CNOT6L: variants seen among roughly 807,000 people sequenced by gnomAD.
The protein encoded by CNOT6L is CCR4-NOT transcription complex subunit 6-like.
A neutral mutation model predicts 64.0 loss-of-function variants in CNOT6L; 7 were observed. That is an observed-to-expected ratio of 0.11 (90% CI 0.06 to 0.21). CNOT6L has a LOEUF of 0.21. Among genes scored for constraint, CNOT6L ranks in the 10% least tolerant of loss-of-function variants. The pLI is 1.00. For synonymous variants in CNOT6L, 193 were observed against 243.4 expected (o/e 0.79, Z 1.93); for missense variants, 245 against 669.0 (o/e 0.37, Z 6.99).
At chr4:77,816,997 T>G (rs891342749) in intron 1 of CNOT6L, among the ~76,000 whole-genome samples, 1 of 152,148 alleles carries the variant, frequency 6.6e-6, no homozygotes, top group Non-Finnish European at 1.5e-5. Context: ...TTCAGAGAAA[T>G]ATTCTAAGAA....
chr4:77,788,437 A>G (rs1431798017), intron 1 of CNOT6L, among the ~76,000 whole-genome samples: 1 of 152,228 alleles, frequency 6.6e-6, no homozygotes, highest in Non-Finnish European at 1.5e-5. Context: ...TTATAATAAT[A>G]GGCAATTCGG....
At chr4:77,747,082 A>AT (rs1724279380) in intron 6 of CNOT6L, among the ~76,000 whole-genome samples, 1 of 152,184 alleles carries the variant, frequency 6.6e-6, no homozygotes, top group African/African-American at 2.4e-5. Context: ...TAACTTAAAA[A>AT]AAGCCCAAAA....
chr4:77,799,087 G>A (rs1443794920), intron 1 of CNOT6L, among the ~76,000 whole-genome samples: 1 of 151,668 alleles, frequency 6.6e-6, no homozygotes, highest in Middle Eastern at 3.4e-3. Flanking sequence ...AGATTAAACT[G>A]AACTCAAATG....
At chr4:77,727,926 G>A (rs1722052762) in intron 10 of CNOT6L, among the ~76,000 whole-genome samples, 1 of 152,014 alleles carries the variant, frequency 6.6e-6, no homozygotes, top group Admixed American at 6.6e-5. Flanking sequence ...TCCAAGTGTA[G>A]GCATTTAGGT....
At chr4:77,737,698 G>A (rs1560579432) in intron 8 of CNOT6L, among the ~76,000 whole-genome samples, 1 of 152,022 alleles carries the variant, frequency 6.6e-6, no homozygotes, top group Non-Finnish European at 1.5e-5. Context: ...CATTATAGGG[G>A]TGAAACACCA....
chr4:77,726,375 A>G lies in CNOT6L; in HGVS notation c.1253-6T>C, dbSNP rs761608331. On this transcript the variant is annotated splice_region_variant and splice_polypyrimidine_tract_variant and intron_variant, in intron 10 of 11. Coordinates refer to ENST00000504123, the MANE Select transcript of CNOT6L (RefSeq NM_144571.3). Reference sequence around the variant, plus strand: ...GCTTAAGTATTCCACAACACCTGGTAGAATAAAGAAGAGACACTTCCATTT... The same window carrying G: ...GCTTAAGTATTCCACAACACCTGGTGGAATAAAGAAGAGACACTTCCATTT... 6.9e-6 allele frequency: 11 copies of G among 1,600,612 alleles called. No homozygotes were observed. Among genetic ancestry groups the G allele is most frequent in the Non-Finnish European group, 9.4e-6 (11 of 1,169,842 alleles).
At chr4:77,802,765 G>A (rs1731738845) in intron 1 of CNOT6L, among the ~76,000 whole-genome samples, 1 of 152,186 alleles carries the variant, frequency 6.6e-6, no homozygotes, top group African/African-American at 2.4e-5. Context: ...GTGAGATACA[G>A]AGAAGTTGTG....
At chr4:77,818,675 C>T (rs1321737102) in intron 1 of CNOT6L, among the ~76,000 whole-genome samples, 1 of 152,128 alleles carries the variant, frequency 6.6e-6, no homozygotes, top group East Asian at 1.9e-4. Context: ...TCAGGAGACG[C>T]GGAGGCGGCC....
intron 1 of CNOT6L, among the ~76,000 whole-genome samples, chr4:77,817,655 A>C (rs914781235): frequency 3.9e-5 from 6 of 152,260 alleles, no homozygotes; most frequent in African/African-American, 1.4e-4. Context: ...TCTGTAAAAC[A>C]AGTCCTTTTC....
At chr4:77,724,633 C>T (rs1721631676) in intron 11 of CNOT6L, among the ~76,000 whole-genome samples, 1 of 141,166 alleles carries the variant, frequency 7.1e-6, no homozygotes, top group African/African-American at 2.7e-5. Context: ...AACTGAGACC[C>T]TATCTCAAAA....
At chr4:77,763,776 C>T (rs1209276924) in intron 4 of CNOT6L, among the ~76,000 whole-genome samples, 4 of 152,142 alleles carry the variant, frequency 2.6e-5, no homozygotes, top group Non-Finnish European at 5.9e-5. Flanking sequence ...ACAAATGTCA[C>T]AGAACTGGTT....
At chr4:77,774,979 T>C (rs948276651) in intron 2 of CNOT6L, among the ~76,000 whole-genome samples, 3 of 152,318 alleles carry the variant, frequency 2.0e-5, no homozygotes, top group Admixed American at 2.0e-4. Context: ...GTGGAAACCC[T>C]TGGAGTTTAA....
chr4:77,788,118 T>G (rs1729657954), intron 1 of CNOT6L, among the ~76,000 whole-genome samples: 1 of 152,198 alleles, frequency 6.6e-6, no homozygotes, highest in Non-Finnish European at 1.5e-5. Flanking sequence ...TTAAAATAGC[T>G]CGATCACATT....
chr4:77,761,675 T>C (rs1191113188), intron 4 of CNOT6L, among the ~76,000 whole-genome samples: 2 of 152,214 alleles, frequency 1.3e-5, no homozygotes, highest in Non-Finnish European at 2.9e-5. Flanking sequence ...TTAACATTAA[T>C]GGTGAAAGAT....
At position 77,718,750 on chromosome 4, in the gene CNOT6L, A is replaced by C. The variant is rs1397864826; in HGVS notation, c.*1681T>G. 2.6e-5 allele frequency: 4 copies of C among 152,642 alleles called. No homozygotes were observed. The highest frequency in any genetic ancestry group is 4.8e-5 in the African/African-American group (2 of 41,458). 9.5% of individuals were successfully genotyped at this position (152,642 alleles called of 1,614,324 possible). A position where few individuals can be genotyped will look rare whatever the true frequency, so the allele number is the denominator to read the frequency against. On this transcript the variant is annotated 3_prime_UTR_variant, in exon 12 of 12. Coordinates refer to ENST00000504123, the MANE Select transcript of CNOT6L (RefSeq NM_144571.3). ...TAGCCTGATTAATTTACTATGGAAG[A>C]AATTAGCATAAAATGACCAAAGTAA... is the stretch of plus-strand genomic sequence containing the variant.
chr4:77,781,249 A>G (rs2110081300), intron 1 of CNOT6L, among the ~76,000 whole-genome samples: 1 of 152,276 alleles, frequency 6.6e-6, no homozygotes, highest in Middle Eastern at 3.4e-3. Context: ...TAAAACCTAG[A>G]TGACGGGTTG....
At chr4:77,783,091 A>AT (rs1284992143) in intron 1 of CNOT6L, among the ~76,000 whole-genome samples, 3 of 126,382 alleles carry the variant, frequency 2.4e-5, no homozygotes, top group Admixed American at 1.0e-4. Context: ...TAATGCAAAC[A>AT]TTTTTTTAAA....
chr4:77,726,506 G>A, intron 10 of CNOT6L, 137 bp from the exon 11 acceptor site: 1 of 568,276 alleles, frequency 1.8e-6, no homozygotes. Context: ...ACTGCCTTTT[G>A]TTGTTGTTTA....
Position 77,775,366 on chromosome 4 carries a change from T to C in CNOT6L, c.128-650A>G, listed in dbSNP as rs566979886. Among the ~76,000 whole-genome samples the C allele has an allele frequency of 2.0e-5, 3 of 152,344 alleles. No homozygotes were observed. In the South Asian group the frequency reaches 6.2e-4, roughly 32 times the overall value. The stretch of plus-strand genomic sequence containing the variant: ...TGGGGAAAAAATGGCATTTTATATA[T>C]AATCTGTATTATACCAATTCATAAA... On this transcript the variant is annotated intron_variant, in intron 2 of 11. Coordinates refer to ENST00000504123, the MANE Select transcript of CNOT6L (RefSeq NM_144571.3).
Sources: gnomAD v4.1 joint callset for allele counts (sites outside exome capture counted in the v4.1 genomes callset) on GRCh38, gnomAD v4.1.1 for gene constraint, MANE v1.5 for transcripts, NCBI Gene and HGNC (gene_info 2026-07-23, HGNC 2026-07-21) for gene names.